Variants in TENM3 observed in about 807,000 individuals in gnomAD.
TENM3 encodes the protein teneurin-3.
A neutral mutation model predicts 255.1 loss-of-function variants in TENM3; 63 were observed. The observed-to-expected ratio is 0.25, with a 90% CI of 0.20 to 0.30. The LOEUF (loss-of-function observed/expected upper bound fraction) is 0.30. Among genes scored for constraint, TENM3 ranks in the 10% least tolerant of loss-of-function variants. The probability of loss-of-function intolerance (pLI) is 1.00; values close to 1 mark genes in which losing one functional copy is unlikely to be tolerated. For missense variants in TENM3, 2,929 were observed against 3,461.1 expected, an observed-to-expected ratio of 0.85 and a Z score of 3.86; for synonymous variants, 1,306 against 1,322.3, an observed-to-expected ratio of 0.99 and a Z score of 0.27.
chr4:181,958,347 T>G, the TENM3 span, among the ~76,000 whole-genome samples: 9 of 152,204 alleles, frequency 5.9e-5, no homozygotes, highest in Non-Finnish European at 1.2e-4. Context: ...GTTTTTGCTT[T>G]TTTGGACTCT....
chr4:181,599,685 A>G, the TENM3 span, among the ~76,000 whole-genome samples: 1 of 152,224 alleles, frequency 6.6e-6, no homozygotes, highest in Admixed American at 6.5e-5. Context: ...TTAAAAAATA[A>G]GATCAGATTT....
the TENM3 span, among the ~76,000 whole-genome samples, chr4:182,105,582 G>A: frequency 6.6e-6 from 1 of 152,170 alleles, no homozygotes; most frequent in Non-Finnish European, 1.5e-5. Context: ...ACGTAGGGCC[G>A]AGGCTGCGGA....
At chr4:181,605,478 CAGAGAA>C in the TENM3 span, among the ~76,000 whole-genome samples, 8 of 72,874 alleles carry the variant, frequency 1.1e-4, no homozygotes, top group South Asian at 5.4e-4. Context: ...GAGAGAGAAA[CAGAGAA>C]AGAAAGAAAG....
the TENM3 span, among the ~76,000 whole-genome samples, chr4:181,927,586 G>A: frequency 6.6e-6 from 1 of 152,224 alleles, no homozygotes; most frequent in Non-Finnish European, 1.5e-5. Flanking sequence ...AGGGGTAGCT[G>A]TGGGCGCAGC....
chr4:182,748,443 A>G (rs1579331548), intron 19 of TENM3, among the ~76,000 whole-genome samples: 2 of 151,554 alleles, frequency 1.3e-5, no homozygotes, highest in Non-Finnish European at 2.9e-5. Flanking sequence ...AAAATTCACC[A>G]CTCGTTGTAC....
chr4:182,106,726 G>A, the TENM3 span, among the ~76,000 whole-genome samples: 1 of 152,174 alleles, frequency 6.6e-6, no homozygotes, highest in African/African-American at 2.4e-5. Context: ...CACCTTTGAA[G>A]CTGGGAGCAT....
In TENM3 at chr4:182,419,033, A is replaced by G. The variant is rs1396050251; in HGVS notation, c.511+72104A>G. Reference sequence around the variant, plus strand: ...AATGGTTTTGGAAAATTAGTTTTCAATGCTGACAATTCGGCCTTACAAAGA... The same window carrying G: ...AATGGTTTTGGAAAATTAGTTTTCAGTGCTGACAATTCGGCCTTACAAAGA... On this transcript the variant is annotated intron_variant, in intron 3 of 27. Coordinates refer to ENST00000511685, the MANE Select transcript of TENM3 (RefSeq NM_001080477.4). Among the ~76,000 whole-genome samples the G allele has an allele frequency of 5.3e-5, 8 of 152,346 alleles. No individual in the cohort carries two copies. In the East Asian group the frequency reaches 7.7e-4, roughly 15 times the overall value.
chr4:181,818,490 C>A, the TENM3 span, among the ~76,000 whole-genome samples: 1 of 152,256 alleles, frequency 6.6e-6, no homozygotes, highest in Non-Finnish European at 1.5e-5. Context: ...CATACACCAG[C>A]TCCTTGCAGT....
At chr4:182,636,754 A>C (rs563024026) in intron 5 of TENM3, among the ~76,000 whole-genome samples, 1 of 151,980 alleles carries the variant, frequency 6.6e-6, no homozygotes, top group Non-Finnish European at 1.5e-5. Flanking sequence ...AAAAGAATAC[A>C]CTTAAACAGA....
chr4:182,128,648 C>G, the TENM3 span, among the ~76,000 whole-genome samples: 14 of 152,294 alleles, frequency 9.2e-5, 1 homozygote, highest in Admixed American at 5.2e-4. Context: ...ACACATCATC[C>G]TGCGGTATAA....
chr4:182,333,016 G>T (rs549125345), intron 2 of TENM3, among the ~76,000 whole-genome samples: 85 of 152,246 alleles, frequency 5.6e-4, no homozygotes, highest in African/African-American at 2.0e-3. Flanking sequence ...TCAGAAGATG[G>T]AGCAAACTTG....
At chr4:182,709,318 A>G (rs997394942) in intron 12 of TENM3, among the ~76,000 whole-genome samples, 7 of 152,126 alleles carry the variant, frequency 4.6e-5, no homozygotes, top group African/African-American at 1.2e-4. Flanking sequence ...CCCATTTTAT[A>G]TGTCTAGCAC....
At chr4:182,625,505 A>G (rs765746355) in intron 4 of TENM3, among the ~76,000 whole-genome samples, 3 of 152,170 alleles carry the variant, frequency 2.0e-5, no homozygotes, top group East Asian at 1.9e-4. Flanking sequence ...TTCCTGGTCC[A>G]GGGAAAAATT....
chr4:181,924,734 G>T, the TENM3 span, among the ~76,000 whole-genome samples: 16 of 152,038 alleles, frequency 1.1e-4, no homozygotes, highest in South Asian at 1.5e-3. Context: ...TCACCAGTTT[G>T]TATTGGCTCT....
chr4:182,087,170 G>A, the TENM3 span, among the ~76,000 whole-genome samples: 16 of 152,150 alleles, frequency 1.1e-4, no homozygotes, highest in Admixed American at 2.0e-4. Flanking sequence ...CGGAGCTCCC[G>A]GGCTACAGGA....
the TENM3 span, among the ~76,000 whole-genome samples, chr4:181,463,560 T>C: frequency 6.6e-6 from 1 of 152,244 alleles, no homozygotes; most frequent in African/African-American, 2.4e-5. Context: ...TCAATAAGTA[T>C]TTAATAAAAC....
At chr4:182,748,801 C>T (rs930556939) in intron 19 of TENM3, among the ~76,000 whole-genome samples, 2 of 152,156 alleles carry the variant, frequency 1.3e-5, no homozygotes, top group African/African-American at 2.4e-5. Flanking sequence ...TCTAGGGCCA[C>T]GTAGACTCCC....
At chr4:182,342,959 T>C (rs1391961983) in intron 2 of TENM3, among the ~76,000 whole-genome samples, 7 of 152,202 alleles carry the variant, frequency 4.6e-5, no homozygotes, top group Non-Finnish European at 8.8e-5. Context: ...AGCTAACCCA[T>C]TTTCCCAATC....
At chr4:182,293,882 C>A (rs1420526214) in intron 1 of TENM3, among the ~76,000 whole-genome samples, 3 of 152,172 alleles carry the variant, frequency 2.0e-5, no homozygotes, top group Non-Finnish European at 4.4e-5. Flanking sequence ...ATGAATGAGG[C>A]TTAACCCTCC....
Sources: gnomAD v4.1 joint callset for allele counts (sites outside exome capture counted in the v4.1 genomes callset) on GRCh38, gnomAD v4.1.1 for gene constraint, MANE v1.5 for transcripts, NCBI Gene and HGNC (gene_info 2026-07-23, HGNC 2026-07-21) for gene names.